CDH13: variants seen among roughly 807,000 people sequenced by gnomAD.
CDH13 encodes cadherin 13.
CDH13 carries 24 observed loss-of-function variants against 63.8 expected under a neutral mutation model. That is an observed-to-expected ratio of 0.38 (90% CI 0.27 to 0.53). The LOEUF is 0.53. Among genes scored for constraint, CDH13 ranks in the 20% least tolerant of loss-of-function variants. CDH13 has a pLI of 0.85. For missense variants in CDH13, 1,049 were observed against 903.1 expected (o/e 1.16, Z -2.07); for synonymous variants, 503 against 355.3 (o/e 1.42, Z -4.67).
chr16:82,756,847 C>A (rs1227081976), intron 1 of CDH13, among the ~76,000 whole-genome samples: 6 of 152,146 alleles, frequency 3.9e-5, no homozygotes, highest in African/African-American at 1.4e-4. Flanking sequence ...GCATGACTAT[C>A]ACCTTGTCAT....
At chr16:83,056,927 G>GTGGAAC (rs1167484273) in intron 3 of CDH13, among the ~76,000 whole-genome samples, 2 of 152,084 alleles carry the variant, frequency 1.3e-5, no homozygotes, top group Non-Finnish European at 2.9e-5. Flanking sequence ...CCCCGGCTAT[G>GTGGAAC]TGGAACTGTG....
At chr16:83,778,956 C>G (rs1915313593) in intron 11 of CDH13, among the ~76,000 whole-genome samples, 1 of 152,206 alleles carries the variant, frequency 6.6e-6, no homozygotes, top group African/African-American at 2.4e-5. Flanking sequence ...TGTGTGAATA[C>G]CTGGCTACTT....
chr16:83,032,269 G>A, intron 3 of CDH13, 51 bp downstream of exon 3: 3 of 1,434,752 alleles, frequency 2.1e-6, no homozygotes, highest in East Asian at 2.3e-5. Context: ...ATTAGGTTCT[G>A]TCTGTCTTAT....
At chr16:83,019,522 G>A (rs1160241642) in intron 2 of CDH13, among the ~76,000 whole-genome samples, 3 of 147,208 alleles carry the variant, frequency 2.0e-5, no homozygotes, top group Admixed American at 1.4e-4. Context: ...TTGAGACAGG[G>A]TCTCGCTCTG....
At chr16:82,727,916 T>C (rs1374791068) in intron 1 of CDH13, among the ~76,000 whole-genome samples, 7 of 152,098 alleles carry the variant, frequency 4.6e-5, no homozygotes, top group African/African-American at 1.7e-4. Context: ...CTTATGCATG[T>C]TCTGGACACA....
At chr16:82,654,391 G>A (rs1266861135) in intron 1 of CDH13, among the ~76,000 whole-genome samples, 13 of 152,196 alleles carry the variant, frequency 8.5e-5, no homozygotes, top group Non-Finnish European at 1.5e-4. Context: ...TTTGAGCCAA[G>A]CATATAACAT....
intron 3 of CDH13, among the ~76,000 whole-genome samples, chr16:83,056,354 C>T (rs1219196043): frequency 3.3e-5 from 5 of 151,884 alleles, no homozygotes; most frequent in Non-Finnish European, 7.4e-5. Context: ...ACAAGAAAGT[C>T]CAGAATAACA....
chr16:82,890,086 C>T (rs1201851966), intron 2 of CDH13, among the ~76,000 whole-genome samples: 1 of 152,212 alleles, frequency 6.6e-6, no homozygotes, highest in African/African-American at 2.4e-5. Flanking sequence ...TCATATGTTT[C>T]AGTAAGTCTC....
At chr16:83,391,233 G>A (rs1410058411) in intron 6 of CDH13, among the ~76,000 whole-genome samples, 3 of 149,438 alleles carry the variant, frequency 2.0e-5, no homozygotes, top group South Asian at 2.1e-4. Context: ...TTGAGACAGC[G>A]TCTTACCCGT....
intron 2 of CDH13, among the ~76,000 whole-genome samples, chr16:82,893,608 G>C (rs927481640): frequency 6.6e-6 from 1 of 152,188 alleles, no homozygotes; most frequent in South Asian, 2.1e-4. Context: ...TTAGAATATG[G>C]GTTGGATATG....
At chr16:82,937,520 G>A (rs1001785888) in intron 2 of CDH13, among the ~76,000 whole-genome samples, 9 of 152,042 alleles carry the variant, frequency 5.9e-5, no homozygotes, top group African/African-American at 1.9e-4. Context: ...TTTTCTCAGA[G>A]ATCTATTCCT....
In CDH13 at chr16:83,780,135, C is replaced by T. The variant is rs546332025; in HGVS notation, c.1849C>T (p.Pro617Ser). ...TAAGGATCTTCACCCGAATACAGAT[C>T]CTTTCAAATTTGAAATCCACAAACA... ...SDKDLHPNTD[P>S]FKFEIHKQAV... Residue 617 changes from proline (P) to serine (S), a missense_variant, in exon 12 of 14, where the codon CCT becomes TCT. Coordinates refer to ENST00000567109, the MANE Select transcript of CDH13 (RefSeq NM_001257.5). 1.9e-6 allele frequency: 3 copies of T among 1,613,062 alleles called. No individual in the cohort carries two copies. The highest frequency in any genetic ancestry group is 2.5e-6 in the Non-Finnish European group (3 of 1,179,476).
intron 7 of CDH13, among the ~76,000 whole-genome samples, chr16:83,545,878 A>G (rs1567753475): frequency 6.6e-6 from 1 of 151,702 alleles, no homozygotes; most frequent in Non-Finnish European, 1.5e-5. Context: ...CTTTGAGCGT[A>G]TTCATTCATT....
intron 7 of CDH13, among the ~76,000 whole-genome samples, chr16:83,488,121 C>G (rs1273416219): frequency 6.6e-6 from 1 of 152,178 alleles, no homozygotes; most frequent in Admixed American, 6.6e-5. Context: ...TAATTGAAAT[C>G]AAGATGTAAA....
intron 2 of CDH13, among the ~76,000 whole-genome samples, chr16:82,917,165 T>C (rs2042014650): frequency 6.6e-6 from 1 of 152,058 alleles, no homozygotes; most frequent in Non-Finnish European, 1.5e-5. Flanking sequence ...AGGAAGACGC[T>C]TACAAATAAG....
chr16:82,868,956 T>C (rs1383781311), intron 2 of CDH13, among the ~76,000 whole-genome samples: 1 of 152,238 alleles, frequency 6.6e-6, no homozygotes, highest in East Asian at 1.9e-4. Flanking sequence ...TTTTCTCATC[T>C]GGAAAATTAA....
At chr16:83,265,422 G>A (rs16960017) in intron 5 of CDH13, among the ~76,000 whole-genome samples, 11,549 of 152,168 alleles carry the variant, frequency 0.076, 495 homozygotes, top group East Asian at 0.18. Context: ...TTTTTCAATA[G>A]ATGATGAACT....
At chr16:83,223,493 T>C (rs576903799) in intron 5 of CDH13, among the ~76,000 whole-genome samples, 2 of 152,190 alleles carry the variant, frequency 1.3e-5, no homozygotes, top group Non-Finnish European at 2.9e-5. Context: ...ATTTCAACCA[T>C]AGCAAAGAGT....
chr16:83,535,791 G>C (rs2150637067), intron 7 of CDH13, among the ~76,000 whole-genome samples: 1 of 140,538 alleles, frequency 7.1e-6, no homozygotes, highest in East Asian at 2.5e-4. Flanking sequence ...CACAGAGGAA[G>C]TATTTGGAGC....
Sources: gnomAD v4.1 joint callset for allele counts (sites outside exome capture counted in the v4.1 genomes callset) on GRCh38, gnomAD v4.1.1 for gene constraint, MANE v1.5 for transcripts, NCBI Gene and HGNC (gene_info 2026-07-23, HGNC 2026-07-21) for gene names.